The following TMEM272 variants were observed in gnomAD, a reference collection of about 807,000 sequenced individuals.
TMEM272 encodes the protein long intergenic non-protein coding RNA 282.
Under a neutral mutation model 3.7 loss-of-function variants are expected in TMEM272, and 8 were observed. The observed-to-expected ratio is 2.17, with a 90% CI of 1.27 to 3.91. TMEM272 has a LOEUF of 3.91. Ranked by LOEUF, TMEM272 falls within the 30% of genes most tolerant of loss-of-function variation. The pLI, the probability that TMEM272 is intolerant of heterozygous loss-of-function variation, is 0.00. For missense variants in TMEM272, 166 were observed against 91.5 expected, an observed-to-expected ratio of 1.81 and a Z score of -3.32; for synonymous variants, 63 against 39.8, an observed-to-expected ratio of 1.58 and a Z score of -2.20.
At position 51,836,851 on chromosome 13, in the gene TMEM272, T is replaced by C. The variant is rs543569225; in HGVS notation, c.58+1622A>G. 3.7e-4 allele frequency among the ~76,000 whole-genome samples: 57 copies of C among 152,290 alleles called. No individual in the cohort carries two copies. The South Asian group carries it at 7.2e-3, about 19-fold the overall frequency. On this transcript the variant is annotated intron_variant, in intron 2 of 4. Transcript: ENST00000629372. ...TGTTCCTAGGAAACCTAAAATGTTT[T>C]TGTCTGGCTGGATTTTCCAGAGTGA...
At chr13:51,892,886 A>G in the TMEM272 span, among the ~76,000 whole-genome samples, 1 of 152,202 alleles carries the variant, frequency 6.6e-6, no homozygotes, top group Admixed American at 6.5e-5. Context: ...CCCTGGTTTT[A>G]TAACGTCCTT....
chr13:51,817,684 C>T (rs1956045809), intron 4 of TMEM272, among the ~76,000 whole-genome samples: 1 of 151,794 alleles, frequency 6.6e-6, no homozygotes, highest in South Asian at 2.1e-4. Context: ...TGTACCACTG[C>T]CCATCTCAGG....
At chr13:51,896,399 TA>T in the TMEM272 span, among the ~76,000 whole-genome samples, 1,404 of 152,282 alleles carry the variant, frequency 9.2e-3, 19 homozygotes, top group African/African-American at 0.032. Context: ...GAAGTTTTCT[TA>T]TCATTTCAGA....
the TMEM272 span, among the ~76,000 whole-genome samples, chr13:51,867,407 G>GGCTTCCCGTGGTGTC: frequency 6.6e-6 from 1 of 152,218 alleles, no homozygotes; most frequent in Non-Finnish European, 1.5e-5. Flanking sequence ...CACGGGAAGT[G>GGCTTCCCGTGGTGTC]ACTTGGCTGA....
chr13:51,928,679 G>A, the TMEM272 span, among the ~76,000 whole-genome samples: 2 of 152,104 alleles, frequency 1.3e-5, no homozygotes, highest in South Asian at 4.2e-4. Context: ...ATAGAGGTCT[G>A]GAGCAGTTTG....
intron 2 of TMEM272, among the ~76,000 whole-genome samples, chr13:51,836,671 C>A (rs1956219174): frequency 6.6e-6 from 1 of 152,162 alleles, no homozygotes; most frequent in Admixed American, 6.5e-5. Context: ...CCCTTGCAAC[C>A]AAGTACTGCT....
chr13:51,830,664 C>T (rs1956165311), intron 2 of TMEM272, among the ~76,000 whole-genome samples: 1 of 152,170 alleles, frequency 6.6e-6, no homozygotes. Flanking sequence ...CCAGGCTTCC[C>T]CTTTATTTCA....
the TMEM272 span, among the ~76,000 whole-genome samples, chr13:51,878,958 C>T: frequency 6.6e-6 from 1 of 152,300 alleles, no homozygotes. Flanking sequence ...TGTATTTACA[C>T]AGAGATTCTG....
At chr13:51,903,156 C>T in the TMEM272 span, among the ~76,000 whole-genome samples, 1 of 152,320 alleles carries the variant, frequency 6.6e-6, no homozygotes, top group East Asian at 1.9e-4. Context: ...GTCTCACCTC[C>T]TTAGTGTGTG....
chr13:51,891,005 G>C, the TMEM272 span, among the ~76,000 whole-genome samples: 347 of 152,334 alleles, frequency 2.3e-3, 4 homozygotes, highest in African/African-American at 7.9e-3. Flanking sequence ...TGAGGGCCCA[G>C]GGAAGGTGCT....
intron 2 of TMEM272, among the ~76,000 whole-genome samples, 156 bp from the exon 3 acceptor site, chr13:51,826,781 C>G (rs549134724): frequency 1.3e-4 from 20 of 152,340 alleles, no homozygotes; most frequent in African/African-American, 4.8e-4. Flanking sequence ...GCCTGGGGCT[C>G]CCACACAGTG....
chr13:51,910,268 C>A, the TMEM272 span: 3 of 1,418,926 alleles, frequency 2.1e-6, no homozygotes, highest in South Asian at 3.4e-5. Context: ...TTGCCTCCTT[C>A]TCAAAGCTGG....
the TMEM272 span, chr13:51,909,278 C>G: frequency 6.8e-6 from 7 of 1,035,720 alleles, no homozygotes; most frequent in Non-Finnish European, 1.1e-5. Context: ...ATATAATCTT[C>G]CCTTGATAAA....
the TMEM272 span, among the ~76,000 whole-genome samples, chr13:51,903,589 C>T: frequency 6.6e-6 from 1 of 152,106 alleles, no homozygotes; most frequent in Admixed American, 6.5e-5. Flanking sequence ...TTTCCTATCC[C>T]TAGGTGTAAG....
At chr13:51,924,901 T>C in the TMEM272 span, among the ~76,000 whole-genome samples, 1 of 152,174 alleles carries the variant, frequency 6.6e-6, no homozygotes, top group Non-Finnish European at 1.5e-5. Context: ...ATAAACTGTA[T>C]TGTGGGAGGA....
At position 51,815,185 on chromosome 13, in the gene TMEM272, G is replaced by A. The variant is rs1956007270; in HGVS notation, c.*1566C>T. On this transcript the variant is annotated 3_prime_UTR_variant, in exon 5 of 5. Transcript: ENST00000629372. ...GAATTGGGCATCATAGGTGAGGTAG[G>A]ATCTGCAAACTGCACACCCGCTGGT... is the stretch of plus-strand genomic sequence containing the variant. 1.3e-5 allele frequency: 2 copies of A among 152,844 alleles called. No individual in the cohort carries two copies. Among genetic ancestry groups the A allele is most frequent in the Non-Finnish European group, 2.9e-5 (2 of 68,162 alleles). The allele number at this position is 152,844 out of a possible 1,614,324, so 9.5% of individuals were successfully genotyped here.
the TMEM272 span, among the ~76,000 whole-genome samples, chr13:51,926,566 A>G: frequency 1.9e-4 from 25 of 133,132 alleles, no homozygotes; most frequent in South Asian, 1.2e-3. Context: ...AGAAGGGAAG[A>G]GCCCGTGAGA....
the TMEM272 span, among the ~76,000 whole-genome samples, chr13:51,870,113 G>C: frequency 6.6e-6 from 1 of 152,192 alleles, no homozygotes; most frequent in African/African-American, 2.4e-5. Context: ...GAAAGTCGTT[G>C]ATGCCAAGGT....
Position 51,815,547 on chromosome 13 carries a change from A to T in TMEM272, c.*1204T>A, listed in dbSNP as rs1307404366. On this transcript the variant is annotated 3_prime_UTR_variant, in exon 5 of 5. Coordinates refer to ENST00000629372, the MANE Select transcript of TMEM272 (RefSeq NM_001351003.2). ...GAAAACATAACAAAGTTAAAAAATAAACACAGCTCAGCAGTGTGTAAATAT... is the reference window on the plus strand; with the variant it reads ...GAAAACATAACAAAGTTAAAAAATATACACAGCTCAGCAGTGTGTAAATAT... The T allele has an allele frequency of 6.6e-6, 1 of 152,384 alleles. No individual in the cohort carries two copies. Among genetic ancestry groups the T allele is most frequent in the Non-Finnish European group, 1.5e-5 (1 of 68,058 alleles). 9.4% of individuals were successfully genotyped at this position (152,384 alleles called of 1,614,324 possible).
Sources: gnomAD v4.1 joint callset for allele counts (sites outside exome capture counted in the v4.1 genomes callset) on GRCh38, gnomAD v4.1.1 for gene constraint, MANE v1.5 for transcripts, NCBI Gene and HGNC (gene_info 2026-07-23, HGNC 2026-07-21) for gene names.